The following NFATC3 variants were observed in gnomAD, a reference collection of about 807,000 sequenced individuals.
NFATC3 encodes the protein nuclear factor of activated T cells 3.
A neutral mutation model predicts 98.6 loss-of-function variants in NFATC3; 46 were observed. The observed-to-expected ratio is 0.47, with a 90% confidence interval of 0.37 to 0.60. The LOEUF (loss-of-function observed/expected upper bound fraction) is 0.60. Ranked by LOEUF, NFATC3 falls within the 20% of genes least tolerant of loss-of-function variation. The pLI is 0.00. For missense variants in NFATC3, 1,256 were observed against 1,295.5 expected, an observed-to-expected ratio of 0.97 and a Z score of 0.47; for synonymous variants, 512 against 472.2, an observed-to-expected ratio of 1.08 and a Z score of -1.09.
intron 3 of NFATC3, among the ~76,000 whole-genome samples, chr16:68,157,311 C>T (rs1227679533): frequency 6.6e-6 from 1 of 152,082 alleles, no homozygotes; most frequent in Non-Finnish European, 1.5e-5. Flanking sequence ...TGGAGTCAGC[C>T]TGGAAAACTT....
At chr16:68,184,999 TGA>T (rs1182656771) in intron 8 of NFATC3, among the ~76,000 whole-genome samples, 35 of 150,750 alleles carry the variant, frequency 2.3e-4, no homozygotes, top group African/African-American at 7.9e-4. Context: ...TTTTTTTTTT[TGA>T]GAGAGAGTCT....
At chr16:68,157,544 C>T (rs2038683155) in intron 3 of NFATC3, among the ~76,000 whole-genome samples, 1 of 151,950 alleles carries the variant, frequency 6.6e-6, no homozygotes, top group Non-Finnish European at 1.5e-5. Context: ...TTAATGTTGC[C>T]CAGAGTACAG....
intron 7 of NFATC3, among the ~76,000 whole-genome samples, chr16:68,182,753 A>G (rs2040003161): frequency 6.6e-6 from 1 of 152,100 alleles, no homozygotes; most frequent in African/African-American, 2.4e-5. Context: ...TCCTGACCTC[A>G]AGTGATCCGC....
intron 6 of NFATC3, among the ~76,000 whole-genome samples, chr16:68,178,767 A>G (rs2039826896): frequency 6.6e-6 from 1 of 152,192 alleles, no homozygotes; most frequent in Non-Finnish European, 1.5e-5. Flanking sequence ...GTGCATGAAT[A>G]CAATTAATAG....
intron 3 of NFATC3, among the ~76,000 whole-genome samples, chr16:68,155,143 A>G (rs543450802): frequency 1.3e-5 from 2 of 152,214 alleles, no homozygotes; most frequent in Non-Finnish European, 2.9e-5. Flanking sequence ...CCAATAAATT[A>G]TGAAGTTCGC....
At chr16:68,117,868 T>A (rs2151493600) in intron 1 of NFATC3, among the ~76,000 whole-genome samples, 1 of 152,332 alleles carries the variant, frequency 6.6e-6, no homozygotes, top group East Asian at 1.9e-4. Context: ...TGTCAGGGAC[T>A]TACTTGGTAG....
chr16:68,139,128 A>G (rs1027487404), intron 3 of NFATC3, among the ~76,000 whole-genome samples: 8 of 152,232 alleles, frequency 5.3e-5, no homozygotes, highest in African/African-American at 1.9e-4. Flanking sequence ...GACAATGAGT[A>G]AATAAACAAA....
intron 9 of NFATC3, among the ~76,000 whole-genome samples, chr16:68,223,726 C>T (rs986871334): frequency 6.6e-6 from 1 of 151,602 alleles, no homozygotes; most frequent in Non-Finnish European, 1.5e-5. Context: ...GAAACCCTGT[C>T]TCTACTAAAA....
At chr16:68,192,243 A>ATATATATATATATATGTATGTG (rs1567543035) in intron 9 of NFATC3, 7 of 112,678 alleles carry the variant, frequency 6.2e-5, no homozygotes, top group African/African-American at 1.5e-4. Context: ...ATATATATAT[A>ATATATATATATATATGTATGTG]TATATATATA....
Position 68,106,121 on chromosome 16 carries a change from C to T in NFATC3, c.104-15866C>T, listed in dbSNP as rs142039284. On this transcript the variant is annotated intron_variant, in intron 1 of 9. Transcript: ENST00000346183. ...TTGACCTCAAGTGATCCACCTGCTT[C>T]GGCCTCCCAGAGTGCTGGGATTATA... is the stretch of plus-strand genomic sequence containing the variant. Among the ~76,000 whole-genome samples the T allele has an allele frequency of 8.0e-3, 1,209 of 152,022 alleles. 11 individuals carry two copies. The highest frequency in any genetic ancestry group is 0.014 in the Middle Eastern group (4 of 292).
chr16:68,134,652 A>C (rs919429283), intron 3 of NFATC3, among the ~76,000 whole-genome samples: 1 of 152,220 alleles, frequency 6.6e-6, no homozygotes, highest in Non-Finnish European at 1.5e-5. Flanking sequence ...AACTCAGGGC[A>C]AAAAAGGATT....
intron 4 of NFATC3, among the ~76,000 whole-genome samples, chr16:68,164,403 G>A (rs976248547): frequency 6.6e-6 from 1 of 152,116 alleles, no homozygotes; most frequent in African/African-American, 2.4e-5. Flanking sequence ...GAGGGAGACC[G>A]TGGGGAGAGG....
At chr16:68,114,988 G>T (rs1033943488) in intron 1 of NFATC3, among the ~76,000 whole-genome samples, 17 of 152,122 alleles carry the variant, frequency 1.1e-4, no homozygotes, top group African/African-American at 4.1e-4. Context: ...TAATAGTCTT[G>T]TAAGTTTTTC....
At chr16:68,160,212 G>C (rs990525452) in intron 4 of NFATC3, among the ~76,000 whole-genome samples, 2 of 152,052 alleles carry the variant, frequency 1.3e-5, no homozygotes, top group Admixed American at 6.6e-5. Context: ...AATAAGAGTT[G>C]CCTCAATACA....
At chr16:68,214,215 AAGAC>A (rs1171100284) in intron 9 of NFATC3, 5 of 697,088 alleles carry the variant, frequency 7.2e-6, no homozygotes, top group Non-Finnish European at 1.2e-5. Flanking sequence ...TGACAAGTAA[AAGAC>A]AGTTAAATTC....
intron 3 of NFATC3, chr16:68,138,711 T>C: frequency 1.6e-6 from 2 of 1,288,444 alleles, no homozygotes; most frequent in South Asian, 2.5e-5. Context: ...CTGGGAAAAG[T>C]AGTCCCTGGC....
chr16:68,203,857 C>A (rs376813605), intron 9 of NFATC3, among the ~76,000 whole-genome samples: 3 of 152,008 alleles, frequency 2.0e-5, no homozygotes, highest in African/African-American at 7.3e-5. Flanking sequence ...TCAAGACCAG[C>A]TTAACCAACA....
chr16:68,086,452 TAAAG>T (rs1052725709), intron 1 of NFATC3, among the ~76,000 whole-genome samples: 4 of 152,148 alleles, frequency 2.6e-5, no homozygotes, highest in African/African-American at 9.7e-5. Context: ...GATTTTTATT[TAAAG>T]AAAAATCTCT....
intron 3 of NFATC3, among the ~76,000 whole-genome samples, chr16:68,144,066 C>T (rs1598436861): frequency 6.6e-6 from 1 of 152,140 alleles, no homozygotes; most frequent in Admixed American, 6.5e-5. Flanking sequence ...AAAAGACAAG[C>T]TACAGACAGG....
Sources: allele counts gnomAD v4.1 joint callset (sites outside exome capture counted in the v4.1 genomes callset), GRCh38; gene constraint gnomAD v4.1.1; transcripts MANE v1.5; gene names NCBI Gene and HGNC (gene_info 2026-07-23, HGNC 2026-07-21).